TMEM258: variants seen among roughly 807,000 people sequenced by gnomAD.
TMEM258 encodes the protein transmembrane protein 258.
In TMEM258, 11 loss-of-function variants were observed where a neutral mutation model predicts 9.9. The ratio of observed to expected loss-of-function variants is 1.11; its 90% confidence interval spans 0.70 to 1.85. The LOEUF (loss-of-function observed/expected upper bound fraction) is 1.85, where lower values mean the gene tolerates loss of function less well. Ranked by LOEUF, TMEM258 falls within the 40% of genes most tolerant of loss-of-function variation. The probability of loss-of-function intolerance (pLI) is 0.00; values close to 1 mark genes in which losing one functional copy is unlikely to be tolerated. For synonymous variants in TMEM258, 40 were observed against 39.1 expected (o/e 1.02, Z -0.09); for missense variants, 81 against 99.7 (o/e 0.81, Z 0.80).
intron 2 of TMEM258, 23 bp downstream of exon 2, chr11:61,790,470 C>T: frequency 6.2e-7 from 1 of 1,605,344 alleles, no homozygotes; most frequent in Non-Finnish European, 8.5e-7. Context: ...TGCTGGTCCT[C>T]TGGCTGCTCA....
At chr11:61,791,259 A>G (rs959005599) in intron 1 of TMEM258, among the ~76,000 whole-genome samples, 1 of 142,406 alleles carries the variant, frequency 7.0e-6, no homozygotes. Flanking sequence ...CCCAGGCTCA[A>G]TTTTTTTTTT....
chr11:61,790,964 A>T (rs1312124342), intron 1 of TMEM258, among the ~76,000 whole-genome samples: 1 of 151,598 alleles, frequency 6.6e-6, no homozygotes, highest in Non-Finnish European at 1.5e-5. Context: ...ACGGAGTCTC[A>T]TTTTTTGGAC....
intron 2 of TMEM258, chr11:61,790,269 C>G: frequency 3.4e-6 from 2 of 596,274 alleles, no homozygotes; most frequent in Admixed American, 3.0e-5. Flanking sequence ...GCCAGGTCCC[C>G]TGCTCACTGT....
chr11:61,790,689 T>C (rs2066777797), intron 1 of TMEM258, 87 bp from the exon 2 acceptor site: 2 of 1,196,360 alleles, frequency 1.7e-6, no homozygotes, highest in Admixed American at 4.8e-5. Flanking sequence ...AGCCTGGTGC[T>C]GCCGTGAAAC....
intron 1 of TMEM258, among the ~76,000 whole-genome samples, chr11:61,791,190 A>G (rs1371493981): frequency 6.6e-6 from 1 of 151,072 alleles, no homozygotes; most frequent in Non-Finnish European, 1.5e-5. Flanking sequence ...TCCTGACCTC[A>G]GGTGATCTGC....
intron 1 of TMEM258, among the ~76,000 whole-genome samples, chr11:61,790,955 C>T (rs1225717992): frequency 4.0e-5 from 6 of 151,630 alleles, no homozygotes; most frequent in South Asian, 2.1e-4. Context: ...TTTTTTTTGA[C>T]GGAGTCTCAT....
At chr11:61,792,469 T>A in intron 1 of TMEM258, 87 bp downstream of exon 1, 1 of 1,587,518 alleles carries the variant, frequency 6.3e-7, no homozygotes, top group Non-Finnish European at 8.6e-7. Flanking sequence ...CCTCTGGATC[T>A]CCGGCGTCTG....
chr11:61,790,643 C>T (rs754592991), intron 1 of TMEM258, 41 bp from the exon 2 acceptor site: 18 of 1,551,096 alleles, frequency 1.2e-5, no homozygotes, highest in South Asian at 2.3e-5. Flanking sequence ...AAGAATCCCA[C>T]GATTTCAGCC....
rs2135925756 is a variant in TMEM258, at chr11:61,789,804, G to C, written c.231C>G (p.Ile77Met). The part of the protein sequence containing the change: ...GVLFLLLWVG[I>M]YV ...TCTTACCCTTGGGTGCTCACACGTA[G>C]ATGCCAACCCAGAGCAGCAGGAAGA... Residue 77 changes from isoleucine to methionine, a missense_variant, in exon 3 of 4, where the codon ATC (isoleucine) becomes ATG (methionine). By Grantham distance (10) the Ile-to-Met change is conservative. Transcript: ENST00000537328. 2 of 1,612,938 alleles carry C rather than the reference G, an allele frequency of 1.2e-6. No homozygotes were observed. The highest frequency in any genetic ancestry group is 4.5e-5 in the East Asian group (2 of 44,864).
In TMEM258 at chr11:61,790,495, G is replaced by A. The variant is rs1565314026; in HGVS notation, c.111C>T (p.Phe37=). The change falls in exon 2 of 4, where the codon TTC becomes TTT. Residue 37 remains phenylalanine (F), a splice_region_variant and synonymous_variant. Coordinates refer to ENST00000537328, the MANE Select transcript of TMEM258 (RefSeq NM_014206.4). ...CTGGCTGCTCAGTGAAAGGATACAC[G>A]AAGAACCAGGCGGTGAAGAACATGC... ...AIGMFFTAWF[F]VYEVTSTKYT... 5 of 1,613,376 alleles carry A rather than the reference G, an allele frequency of 3.1e-6. No homozygotes were observed. The highest frequency in any genetic ancestry group is 1.3e-5 in the African/African-American group (1 of 74,908).
At position 61,790,475 on chromosome 11, in the gene TMEM258, T is replaced by G; in HGVS notation, c.113+18A>C. 6.2e-7 allele frequency: 1 copy of G among 1,608,628 alleles called. No individual in the cohort carries two copies. The highest frequency in any genetic ancestry group is 8.5e-7 in the Non-Finnish European group (1 of 1,176,060). ...ACATCACTAATGCTGGTCCTCTGGC[T>G]GCTCAGTGAAAGGATACACGAAGAA... On this transcript the variant is annotated intron_variant, in intron 2 of 3. Transcript: ENST00000537328.
chr11:61,792,508 C>T, intron 1 of TMEM258, 48 bp downstream of exon 1: 2 of 1,613,722 alleles, frequency 1.2e-6, no homozygotes, highest in Middle Eastern at 1.7e-4. Flanking sequence ...GGGTCAGACC[C>T]CGAGGGGTCC....
At position 61,789,864 on chromosome 11, in the gene TMEM258, G is replaced by A. The variant is rs1300449718; in HGVS notation, c.171C>T (p.Ser57=). Residue 57 remains serine, a synonymous_variant, in exon 3 of 4, where the codon TCC becomes TCT. Coordinates refer to ENST00000537328, the MANE Select transcript of TMEM258 (RefSeq NM_014206.4). ...TRDIYKELLI[S]LVASLFMGFG... ...AGCCCATGAAGAGTGAGGCCACTAA[G>A]GAGATGAGGAGCTCTTTATAGATAT... 6.2e-7 allele frequency: 1 copy of A among 1,613,674 alleles called. No homozygotes were observed. Among genetic ancestry groups the A allele is most frequent in the Admixed American group, 1.7e-5 (1 of 59,956 alleles).
At position 61,789,878 on chromosome 11, in the gene TMEM258, C is replaced by G; in HGVS notation, c.157G>C (p.Glu53Gln). The G allele has an allele frequency of 6.2e-7, 1 of 1,613,470 alleles. No individual in the cohort carries two copies. The highest frequency in any genetic ancestry group is 8.5e-7 in the Non-Finnish European group (1 of 1,179,680). ...STKYTRDIYK[E>Q]LLISLVASLF... ...GAGGCCACTAAGGAGATGAGGAGCTCTTTATAGATATCACGAGTGTACTTG... is the reference window on the plus strand; with the variant it reads ...GAGGCCACTAAGGAGATGAGGAGCTGTTTATAGATATCACGAGTGTACTTG... The change falls in exon 3 of 4, where the codon GAG becomes CAG. Residue 53 changes from glutamate (E) to glutamine (Q), a missense_variant. Coordinates refer to ENST00000537328, the MANE Select transcript of TMEM258 (RefSeq NM_014206.4).
At chr11:61,791,793 AGAT>A (rs1220630652) in intron 1 of TMEM258, 2 of 152,216 alleles carry the variant, frequency 1.3e-5, no homozygotes, top group African/African-American at 4.8e-5. Context: ...GCTGTAGGGA[AGAT>A]GATGAGATAA....
Position 61,789,828 on chromosome 11 carries a change from G to A in TMEM258, c.207C>T (p.Leu69=). The A allele has an allele frequency of 1.2e-6, 2 of 1,613,760 alleles. No homozygotes were observed. The highest frequency in any genetic ancestry group is 1.7e-6 in the Non-Finnish European group (2 of 1,179,832). The change falls in exon 3 of 4, where the codon CTC becomes CTT. Residue 69 remains leucine, a synonymous_variant. Coordinates refer to ENST00000537328, the MANE Select transcript of TMEM258 (RefSeq NM_014206.4). ...VASLFMGFGV[L]FLLLWVGIYV is the part of the protein sequence containing the mutation. ...AGATGCCAACCCAGAGCAGCAGGAAGAGGACTCCAAAGCCCATGAAGAGTG... is the reference window on the plus strand; with the variant it reads ...AGATGCCAACCCAGAGCAGCAGGAAAAGGACTCCAAAGCCCATGAAGAGTG...
intron 1 of TMEM258, chr11:61,792,205 A>G (rs2066789617): frequency 2.9e-6 from 1 of 345,084 alleles, no homozygotes; most frequent in Non-Finnish European, 5.5e-6. Context: ...CAAGTGCCTG[A>G]GAGTTGGAAG....
Position 61,792,573 on chromosome 11 carries a change from G to T in TMEM258, c.-15C>A, listed in dbSNP as rs370009443. On this transcript the variant is annotated 5_prime_UTR_variant, in exon 1 of 4. Coordinates refer to ENST00000537328, the MANE Select transcript of TMEM258 (RefSeq NM_014206.4). ...GCTCTCACCATTTTGCCCCGCGAAG[G>T]CTAATCCGCCGCTCCGCCACCGGAA... is the stretch of plus-strand genomic sequence containing the variant. The T allele has an allele frequency of 4.3e-6, 7 of 1,613,540 alleles. No individual in the cohort carries two copies. The Admixed American group carries it at 1.2e-4, about 27-fold the overall frequency.
In TMEM258 at chr11:61,790,509, T is replaced by G. The variant is rs1459886983; in HGVS notation, c.97A>C (p.Thr33Pro). The change falls in exon 2 of 4, where the codon ACC becomes CCC. Residue 33 changes from threonine to proline, a missense_variant. Thr to Pro is a conservative substitution (Grantham distance 38). Coordinates refer to ENST00000537328, the MANE Select transcript of TMEM258 (RefSeq NM_014206.4). ...AAAGGATACACGAAGAACCAGGCGG[T>G]GAAGAACATGCCAATGGCCAAAAGC... Reference protein sequence around the residue: ...VVLLAIGMFFTAWFFVYEVTS... With the variant: ...VVLLAIGMFFPAWFFVYEVTS... 2 of 1,613,864 alleles carry G rather than the reference T, an allele frequency of 1.2e-6. No individual in the cohort carries two copies. Among genetic ancestry groups the G allele is most frequent in the South Asian group, 2.2e-5 (2 of 91,018 alleles).
Sources: allele counts gnomAD v4.1 joint callset (sites outside exome capture counted in the v4.1 genomes callset), GRCh38; gene constraint gnomAD v4.1.1; transcripts MANE v1.5; gene names NCBI Gene and HGNC (gene_info 2026-07-23, HGNC 2026-07-21).